The following PXDNL variants were observed in gnomAD, a reference collection of about 807,000 sequenced individuals.
PXDNL encodes the protein probable oxidoreductase PXDNL.
Under a neutral mutation model 150.8 loss-of-function variants are expected in PXDNL, and 145 were observed. The ratio of observed to expected loss-of-function variants is 0.96; its 90% CI spans 0.84 to 1.10. The LOEUF (loss-of-function observed/expected upper bound fraction) is 1.10. PXDNL is among the 50% of genes least tolerant of loss of function. The pLI, the probability that PXDNL is intolerant of heterozygous loss-of-function variation, is 0.00. For missense variants in PXDNL, 2,087 were observed against 1,873.9 expected (o/e 1.11, Z -2.10); for synonymous variants, 757 against 725.7 (o/e 1.04, Z -0.69).
intron 21 of PXDNL, among the ~76,000 whole-genome samples, chr8:51,327,385 T>C (rs996634525): frequency 6.6e-6 from 1 of 152,238 alleles, no homozygotes; most frequent in Non-Finnish European, 1.5e-5. Flanking sequence ...ATCATGTAAG[T>C]GTCTTTTCAC....
At chr8:51,668,502 G>T (rs1434380254) in intron 1 of PXDNL, among the ~76,000 whole-genome samples, 1 of 152,006 alleles carries the variant, frequency 6.6e-6, no homozygotes, top group Non-Finnish European at 1.5e-5. Context: ...CAGGACCATG[G>T]TAATAAGACA....
At chr8:51,335,682 T>TACACACACACACACAC (rs3040925) in intron 21 of PXDNL, among the ~76,000 whole-genome samples, 55 of 137,572 alleles carry the variant, frequency 4.0e-4, no homozygotes, top group African/African-American at 1.4e-3. Context: ...TTATATACCC[T>TACACACACACACACAC]ACACACACAC....
intron 21 of PXDNL, chr8:51,321,136 G>C (rs1223517964): frequency 2.7e-6 from 1 of 372,630 alleles, no homozygotes; most frequent in Non-Finnish European, 4.7e-6. Context: ...TGGACCTAGA[G>C]TATGAAAGAG....
chr8:51,483,404 G>A (rs1321788949), intron 6 of PXDNL, among the ~76,000 whole-genome samples: 1 of 152,312 alleles, frequency 6.6e-6, no homozygotes, highest in Non-Finnish European at 1.5e-5. Flanking sequence ...GAGAAACGAG[G>A]AAAACGTCTA....
At chr8:51,522,538 T>C (rs1372689819) in intron 4 of PXDNL, among the ~76,000 whole-genome samples, 3 of 152,176 alleles carry the variant, frequency 2.0e-5, no homozygotes, top group Non-Finnish European at 4.4e-5. Flanking sequence ...TCTTCTATTG[T>C]AATTGGCCTT....
chr8:51,578,992 A>G (rs1813149267), intron 3 of PXDNL, among the ~76,000 whole-genome samples: 1 of 151,990 alleles, frequency 6.6e-6, no homozygotes, highest in African/African-American at 2.4e-5. Context: ...AAATATGTAA[A>G]CTATAAATCT....
chr8:51,635,511 AAAGTG>A (rs1814587491), intron 2 of PXDNL, among the ~76,000 whole-genome samples: 1 of 152,068 alleles, frequency 6.6e-6, no homozygotes, highest in South Asian at 2.1e-4. Flanking sequence ...AGAAAAATAA[AAAGTG>A]AAGACAATAC....
chr8:51,681,385 G>T (rs1457338846), intron 1 of PXDNL, among the ~76,000 whole-genome samples: 1 of 152,136 alleles, frequency 6.6e-6, no homozygotes, highest in African/African-American at 2.4e-5. Context: ...ATTTCTCTCT[G>T]AACTTTCTCT....
At chr8:51,571,632 C>A (rs1430027584) in intron 3 of PXDNL, among the ~76,000 whole-genome samples, 1 of 151,788 alleles carries the variant, frequency 6.6e-6, no homozygotes, top group East Asian at 1.9e-4. Flanking sequence ...GAACATTCTT[C>A]TCAAATGATA....
rs199983847 is a variant in PXDNL, at chr8:51,409,550, T to C, written c.2074A>G (p.Asn692Asp). ...AGGGAGCGCGGGGACACCAAGTCAT[T>C]GTACCGGAATTCTGAAAGGCAAGCG... ...VDLEGKEFRY[N>D]DLVSPRSLSL... The change falls in exon 17 of 23, where the codon AAT becomes GAT. Residue 692 changes from asparagine (N) to aspartate (D), a missense_variant. Transcript: ENST00000356297. The C allele has an allele frequency of 2.0e-4, 315 of 1,572,684 alleles. No homozygotes were observed. The highest frequency in any genetic ancestry group is 2.5e-4 in the Non-Finnish European group (291 of 1,157,982).
intron 1 of PXDNL, among the ~76,000 whole-genome samples, chr8:51,723,164 A>C (rs577268260): frequency 8.7e-4 from 133 of 152,142 alleles, no homozygotes; most frequent in African/African-American, 3.1e-3. Flanking sequence ...TGGGGGAAAA[A>C]TCTATAAAGG....
At chr8:51,622,279 A>G (rs1814275233) in intron 2 of PXDNL, among the ~76,000 whole-genome samples, 1 of 152,142 alleles carries the variant, frequency 6.6e-6, no homozygotes, top group Admixed American at 6.5e-5. Flanking sequence ...GTGTTTCCCC[A>G]GAGCCTCTGG....
At chr8:51,729,112 C>T (rs1032483038) in intron 1 of PXDNL, among the ~76,000 whole-genome samples, 3 of 152,162 alleles carry the variant, frequency 2.0e-5, no homozygotes, top group African/African-American at 7.2e-5. Context: ...ATGACAGAAT[C>T]ACCTAATGAT....
At chr8:51,498,139 G>T (rs1274904912) in intron 5 of PXDNL, among the ~76,000 whole-genome samples, 1 of 152,008 alleles carries the variant, frequency 6.6e-6, no homozygotes, top group African/African-American at 2.4e-5. Context: ...TAGGGACATG[G>T]ATGAAACTGG....
At chr8:51,350,634 T>A (rs1424348889) in intron 19 of PXDNL, among the ~76,000 whole-genome samples, 1 of 151,994 alleles carries the variant, frequency 6.6e-6, no homozygotes, top group Non-Finnish European at 1.5e-5. Context: ...GGATTACAGG[T>A]GTGAGCCATC....
intron 17 of PXDNL, among the ~76,000 whole-genome samples, chr8:51,377,295 C>G (rs937079317): frequency 2.0e-5 from 3 of 151,840 alleles, no homozygotes; most frequent in African/African-American, 7.3e-5. Flanking sequence ...CAGGGTCTCA[C>G]TTTCTCGCCC....
chr8:51,449,118 G>A lies in PXDNL; in HGVS notation c.1250C>T (p.Ala417Val), dbSNP rs200806043. The A allele has an allele frequency of 1.7e-5, 25 of 1,504,508 alleles. No individual in the cohort carries two copies. In the African/African-American group the frequency reaches 3.2e-4, roughly 19 times the overall value. The allele number at this position is 1,504,508 out of a possible 1,614,324, so 93.2% of individuals were successfully genotyped here. A position where few individuals can be genotyped will look rare whatever the true frequency, so the allele number is the denominator to read the frequency against. Residue 417 changes from alanine (A) to valine (V), a missense_variant and splice_region_variant, in exon 11 of 23, where the codon GCT becomes GTT. Coordinates refer to ENST00000356297, the MANE Select transcript of PXDNL (RefSeq NM_144651.5). ...VQAAANIIVQ[A>V]PPQFTVTPKD... ...GGGGGTTACTGTAAATTGTGGAGGA[G>A]CTAAAGAGAATGAAACATACATCAA...
At chr8:51,491,287 T>C (rs934845765) in intron 5 of PXDNL, among the ~76,000 whole-genome samples, 2 of 152,202 alleles carry the variant, frequency 1.3e-5, no homozygotes, top group African/African-American at 4.8e-5. Flanking sequence ...CTATTAATTC[T>C]GTCCCTCTAG....
chr8:51,734,754 G>A (rs1816999968), intron 1 of PXDNL, among the ~76,000 whole-genome samples: 1 of 152,220 alleles, frequency 6.6e-6, no homozygotes, highest in African/African-American at 2.4e-5. Flanking sequence ...AAAAGACAGT[G>A]TTAAGTCAAG....
Sources: gnomAD v4.1 joint callset for allele counts (sites outside exome capture counted in the v4.1 genomes callset) on GRCh38, gnomAD v4.1.1 for gene constraint, MANE v1.5 for transcripts, NCBI Gene and HGNC (gene_info 2026-07-23, HGNC 2026-07-21) for gene names.